The following CCDC85A variants were observed in gnomAD, a reference collection of about 807,000 sequenced individuals.
The protein encoded by CCDC85A is coiled-coil domain containing 85A.
CCDC85A carries 38 observed loss-of-function variants against 50.2 expected under a neutral mutation model. That is an observed-to-expected ratio of 0.76 (90% CI 0.58 to 0.99). The LOEUF (loss-of-function observed/expected upper bound fraction) is 0.99. Among genes scored for constraint, CCDC85A ranks in the 50% least tolerant of loss-of-function variants. The pLI, the probability that CCDC85A is intolerant of heterozygous loss-of-function variation, is 0.00. For synonymous variants in CCDC85A, 366 were observed against 301.4 expected, an observed-to-expected ratio of 1.21 and a Z score of -2.22; for missense variants, 820 against 742.0, an observed-to-expected ratio of 1.11 and a Z score of -1.22.
At chr2:56,330,841 C>T (rs983510793) in intron 2 of CCDC85A, among the ~76,000 whole-genome samples, 2 of 152,116 alleles carry the variant, frequency 1.3e-5, no homozygotes, top group Non-Finnish European at 2.9e-5. Context: ...AAAAATAGAA[C>T]TACCATTTGA....
intron 3 of CCDC85A, among the ~76,000 whole-genome samples, chr2:56,351,693 G>A (rs1415008630): frequency 6.8e-6 from 1 of 147,730 alleles, no homozygotes; most frequent in African/African-American, 2.6e-5. Flanking sequence ...ACTTTTTGAT[G>A]GGGTTGTTTG....
At chr2:56,378,237 G>A (rs1354968147) in intron 5 of CCDC85A, among the ~76,000 whole-genome samples, 1 of 152,144 alleles carries the variant, frequency 6.6e-6, no homozygotes. Context: ...TAGTACAGTG[G>A]CTCAGTTTCT....
intron 5 of CCDC85A, among the ~76,000 whole-genome samples, chr2:56,378,748 A>C (rs1227192779): frequency 2.0e-5 from 3 of 152,192 alleles, no homozygotes; most frequent in Non-Finnish European, 4.4e-5. Context: ...TTCATGCTTA[A>C]GTCATTTAGT....
chr2:56,184,326 G>C lies in CCDC85A; in HGVS notation c.-299G>C, dbSNP rs1013435525. ...CCCGCTGTCCCCGAGGATTTCCCGC[G>C]GCAGCCCCGGGCTCCCCAGTGCCCC... On this transcript the variant is annotated 5_prime_UTR_variant, in exon 1 of 6. Coordinates refer to ENST00000407595, the MANE Select transcript of CCDC85A (RefSeq NM_001080433.2). 2 of 549,000 alleles carry C rather than the reference G, an allele frequency of 3.6e-6. No individual in the cohort carries two copies. Among genetic ancestry groups the C allele is most frequent in the Non-Finnish European group, 5.0e-6 (2 of 397,692 alleles). 34.0% of individuals were successfully genotyped at this position (549,000 alleles called of 1,614,324 possible).
chr2:56,296,889 G>T (rs973506700), intron 2 of CCDC85A, among the ~76,000 whole-genome samples: 9 of 152,088 alleles, frequency 5.9e-5, no homozygotes, highest in Admixed American at 3.9e-4. Context: ...TTCATTCCAT[G>T]TACTAAAATA....
At chr2:56,234,108 C>G (rs1668895199) in intron 2 of CCDC85A, among the ~76,000 whole-genome samples, 1 of 152,184 alleles carries the variant, frequency 6.6e-6, no homozygotes. Flanking sequence ...TATTATTCCT[C>G]AGTATTTAAA....
intron 2 of CCDC85A, among the ~76,000 whole-genome samples, chr2:56,260,951 A>G (rs2104021388): frequency 6.6e-6 from 1 of 152,332 alleles, no homozygotes; most frequent in South Asian, 2.1e-4. Flanking sequence ...TAATTTTCAA[A>G]ATACACATTG....
chr2:56,192,692 G>C lies in CCDC85A; in HGVS notation c.492G>C (p.Glu164Asp). 1.9e-6 allele frequency: 3 copies of C among 1,613,892 alleles called. No individual in the cohort carries two copies. The highest frequency in any genetic ancestry group is 2.5e-6 in the Non-Finnish European group (3 of 1,179,854). ...KQEEVVKENM[E>D]LKELCVLLDE... is the part of the protein sequence containing the mutation. The stretch of plus-strand genomic sequence containing the variant: ...AGGAAGTGGTGAAGGAGAACATGGA[G>C]CTCAAGGAGCTCTGTGTGCTACTAG... The change falls in exon 2 of 6, where the codon GAG (glutamate) becomes GAC (aspartate). Residue 164 changes from glutamate (E) to aspartate (D), a missense_variant. Physicochemically the swap from Glu to Asp is conservative, Grantham distance 45. Transcript: ENST00000407595. The surrounding 1 kb of genome is among the most constrained non-coding windows in gnomAD (Gnocchi z 4.7).
At position 56,212,924 on chromosome 2, in the gene CCDC85A, G is replaced by A. The variant is rs138913670; in HGVS notation, c.1240+19484G>A. On this transcript the variant is annotated intron_variant, in intron 2 of 5. Transcript: ENST00000407595. ...CAGTTAATAGTGGCTGTTGATAAGT[G>A]TTAGGTCCCTTACTCCCTCCAAAGA... Among the ~76,000 whole-genome samples the A allele has an allele frequency of 3.1e-3, 465 of 152,076 alleles. 5 individuals carry two copies. Among genetic ancestry groups the A allele is most frequent in the African/African-American group, 0.011 (440 of 41,510 alleles).
chr2:56,332,681 C>G (rs115186876), intron 2 of CCDC85A, among the ~76,000 whole-genome samples: 2,922 of 136,580 alleles, frequency 0.021, 62 homozygotes, highest in Non-Finnish European at 0.034. Context: ...CACTGCCCCC[C>G]CTTTTCCCCC....
intron 2 of CCDC85A, among the ~76,000 whole-genome samples, chr2:56,204,722 C>G (rs529702346): frequency 1.3e-5 from 2 of 152,280 alleles, no homozygotes; most frequent in East Asian, 3.9e-4. Context: ...GACAGGAATT[C>G]TGTGTGTAGG....
At chr2:56,232,348 A>G (rs1668809571) in intron 2 of CCDC85A, among the ~76,000 whole-genome samples, 1 of 152,156 alleles carries the variant, frequency 6.6e-6, no homozygotes, top group Non-Finnish European at 1.5e-5. Context: ...CAAACCAAAT[A>G]TCTCCTAGTT....
chr2:56,381,658 A>G (rs1676591744), intron 5 of CCDC85A, among the ~76,000 whole-genome samples: 1 of 152,124 alleles, frequency 6.6e-6, no homozygotes, highest in African/African-American at 2.4e-5. Context: ...AGGAACAAAA[A>G]GTGAAAAGCA....
intron 2 of CCDC85A, among the ~76,000 whole-genome samples, chr2:56,271,790 C>A (rs568218288): frequency 3.7e-4 from 56 of 152,244 alleles, no homozygotes; most frequent in Admixed American, 9.2e-4. Context: ...CAAGTACTGG[C>A]TGCTTAGAGT....
chr2:56,332,579 C>G (rs1480154870), intron 2 of CCDC85A, among the ~76,000 whole-genome samples: 1 of 152,142 alleles, frequency 6.6e-6, no homozygotes, highest in South Asian at 2.1e-4. Flanking sequence ...ACACAACACT[C>G]AGGCCATAGC....
chr2:56,215,812 A>G (rs34377123), intron 2 of CCDC85A, among the ~76,000 whole-genome samples: 60,864 of 151,686 alleles, frequency 0.4, 13,825 homozygotes, highest in East Asian at 0.59. Flanking sequence ...AGTAGGCCAC[A>G]TTTAGCCTGT....
Position 56,304,781 on chromosome 2 carries a change from G to A in CCDC85A, c.1241-38098G>A, listed in dbSNP as rs565575493. 1.6e-3 allele frequency among the ~76,000 whole-genome samples: 242 copies of A among 152,094 alleles called. 2 individuals carry two copies. Among genetic ancestry groups the A allele is most frequent in the African/African-American group, 5.7e-3 (236 of 41,474 alleles). On this transcript the variant is annotated intron_variant, in intron 2 of 5. Coordinates refer to ENST00000407595, the MANE Select transcript of CCDC85A (RefSeq NM_001080433.2). Reference sequence around the variant, plus strand: ...GTATGGGATAAGGCTGGGCGCAGCGGCTCACACCTGCAATCCCAGCACTTT... The same window carrying A: ...GTATGGGATAAGGCTGGGCGCAGCGACTCACACCTGCAATCCCAGCACTTT...
intron 2 of CCDC85A, among the ~76,000 whole-genome samples, chr2:56,233,616 A>T (rs1028240244): frequency 3.3e-5 from 5 of 152,234 alleles, no homozygotes; most frequent in Non-Finnish European, 5.9e-5. Flanking sequence ...TACTAAAAAA[A>T]AATTAACCAT....
chr2:56,236,089 T>C (rs1460648173), intron 2 of CCDC85A, among the ~76,000 whole-genome samples: 3 of 152,184 alleles, frequency 2.0e-5, no homozygotes, highest in Non-Finnish European at 4.4e-5. Flanking sequence ...AAAATACAGA[T>C]GTGACCAAAT....
Sources: allele counts gnomAD v4.1 joint callset (sites outside exome capture counted in the v4.1 genomes callset), GRCh38; gene constraint gnomAD v4.1.1; non-coding constraint Gnocchi (gnomAD v3.1); transcripts MANE v1.5; gene names NCBI Gene and HGNC (gene_info 2026-07-23, HGNC 2026-07-21).